KDM4C: variants seen among roughly 807,000 people sequenced by gnomAD.
The protein encoded by KDM4C is lysine-specific demethylase 4C.
Under a neutral mutation model 129.3 loss-of-function variants are expected in KDM4C, and 81 were observed. The ratio of observed to expected loss-of-function variants is 0.63; its 90% CI spans 0.52 to 0.75. KDM4C has a LOEUF of 0.75. Ranked by LOEUF, KDM4C falls within the 30% of genes least tolerant of loss-of-function variation. KDM4C has a pLI of 0.00. For missense variants in KDM4C, 1,457 were observed against 1,304.0 expected, an observed-to-expected ratio of 1.12 and a Z score of -1.81; for synonymous variants, 573 against 456.1, an observed-to-expected ratio of 1.26 and a Z score of -3.26.
intron 19 of KDM4C, among the ~76,000 whole-genome samples, chr9:7,153,573 G>A (rs555920623): frequency 6.6e-5 from 10 of 152,254 alleles, no homozygotes; most frequent in African/African-American, 2.4e-4. Flanking sequence ...TTTTGCAGCT[G>A]GGCCTTTGCA....
chr9:7,121,761 T>C (rs1451703901), intron 18 of KDM4C, among the ~76,000 whole-genome samples: 2 of 151,762 alleles, frequency 1.3e-5, no homozygotes, highest in East Asian at 3.9e-4. Context: ...GGGAAGTGCC[T>C]CAACAAGTAT....
intron 3 of KDM4C, among the ~76,000 whole-genome samples, chr9:6,813,780 C>T (rs540541585): frequency 1.3e-5 from 2 of 152,196 alleles, no homozygotes; most frequent in East Asian, 3.9e-4. Flanking sequence ...TTTCTAATGA[C>T]TTAATATACA....
intron 8 of KDM4C, among the ~76,000 whole-genome samples, chr9:6,921,829 C>T (rs1156287822): frequency 5.3e-5 from 8 of 152,148 alleles, no homozygotes; most frequent in Non-Finnish European, 5.9e-5. Flanking sequence ...CTCCATGACC[C>T]TTGCCCACTC....
At chr9:7,029,809 AG>A (rs2132345512) in intron 15 of KDM4C, among the ~76,000 whole-genome samples, 1 of 152,338 alleles carries the variant, frequency 6.6e-6, no homozygotes, top group South Asian at 2.1e-4. Flanking sequence ...AGAAAGTCAC[AG>A]AATGTAACAT....
At position 6,986,542 on chromosome 9, in the gene KDM4C, C is replaced by CA; in HGVS notation, c.1554dup (p.Glu519ArgfsTer3). ...TCACCTGAGTCATGCTCATCAGTGG[C>CA]AGAGAGTAATGGTGTGTTAACAGAG... On this transcript the variant is annotated frameshift_variant, in exon 11 of 22. Coordinates refer to ENST00000381309, the MANE Select transcript of KDM4C (RefSeq NM_015061.6). LOFTEE classifies it high-confidence loss of function. 1 of 1,614,026 alleles carries CA rather than the reference C, an allele frequency of 6.2e-7. No homozygotes were observed.
chr9:6,796,925 G>A (rs1827856498), intron 2 of KDM4C, among the ~76,000 whole-genome samples: 1 of 151,880 alleles, frequency 6.6e-6, no homozygotes, highest in Non-Finnish European at 1.5e-5. Context: ...CATTAATGAA[G>A]CTGGTTTGCT....
At chr9:7,021,424 C>T (rs147621313) in intron 15 of KDM4C, among the ~76,000 whole-genome samples, 1,709 of 152,158 alleles carry the variant, frequency 0.011, 36 homozygotes, top group African/African-American at 0.039. Flanking sequence ...GGATTACAGG[C>T]GTGAGCCACT....
At chr9:6,882,182 T>C (rs753661246) in intron 6 of KDM4C, among the ~76,000 whole-genome samples, 7 of 152,258 alleles carry the variant, frequency 4.6e-5, no homozygotes, top group Non-Finnish European at 1.0e-4. Flanking sequence ...GACATAAATG[T>C]AATAAAAATC....
At chr9:7,100,433 G>A (rs1253145948) in intron 17 of KDM4C, among the ~76,000 whole-genome samples, 1 of 152,074 alleles carries the variant, frequency 6.6e-6, no homozygotes, top group Admixed American at 6.6e-5. Context: ...TCTGCCTCCT[G>A]GGTTCAAGCG....
chr9:6,979,195 C>T (rs1161726232), intron 8 of KDM4C, among the ~76,000 whole-genome samples: 12 of 152,198 alleles, frequency 7.9e-5, no homozygotes, highest in Admixed American at 7.9e-4. Context: ...TCCAAAATAT[C>T]TTTCAATTTC....
chr9:6,974,824 A>G (rs557085835), intron 8 of KDM4C: 1 of 152,228 alleles, frequency 6.6e-6, no homozygotes, highest in Non-Finnish European at 1.5e-5. Context: ...AAACAACTTT[A>G]TCTACCCCCG....
At chr9:7,109,295 C>T (rs761530048) in intron 18 of KDM4C, among the ~76,000 whole-genome samples, 2 of 152,102 alleles carry the variant, frequency 1.3e-5, no homozygotes, top group Admixed American at 1.3e-4. Context: ...CATGAAGATG[C>T]CCTAGTTCTT....
intron 4 of KDM4C, among the ~76,000 whole-genome samples, chr9:6,842,745 T>G (rs1451893210): frequency 6.6e-6 from 1 of 152,104 alleles, no homozygotes; most frequent in Non-Finnish European, 1.5e-5. Context: ...AATGGCTGTC[T>G]CCTTTAGACA....
At chr9:7,014,613 C>G (rs545951676) in intron 14 of KDM4C, among the ~76,000 whole-genome samples, 1 of 152,052 alleles carries the variant, frequency 6.6e-6, no homozygotes, top group Non-Finnish European at 1.5e-5. Flanking sequence ...TAAAAGGGAT[C>G]TCATATAATA....
chr9:7,124,010 C>T (rs1386023891), intron 18 of KDM4C, among the ~76,000 whole-genome samples: 6 of 152,264 alleles, frequency 3.9e-5, no homozygotes, highest in African/African-American at 9.6e-5. Context: ...TAGATGAAGC[C>T]GGTTAGGATT....
chr9:6,752,201 CGCGCGCCTGTAGTCCCA>C (rs1397334688), intron 1 of KDM4C, among the ~76,000 whole-genome samples: 2 of 150,024 alleles, frequency 1.3e-5, no homozygotes, highest in East Asian at 4.0e-4. Flanking sequence ...GGCATGGTGG[CGCGCGCCTGTAGTCCCA>C]GCTACACGGG....
At chr9:7,105,453 ACTT>A (rs1261468529) in intron 18 of KDM4C, 1 of 470,978 alleles carries the variant, frequency 2.1e-6, no homozygotes, top group Non-Finnish European at 4.4e-6. Context: ...TGCTACTACT[ACTT>A]CTGCTGCTGC....
intron 17 of KDM4C, among the ~76,000 whole-genome samples, chr9:7,082,662 C>G (rs986947492): frequency 6.6e-6 from 1 of 152,194 alleles, no homozygotes; most frequent in Non-Finnish European, 1.5e-5. Flanking sequence ...GACACTTCAT[C>G]TCAAGCCTAC....
chr9:7,153,775 A>G (rs1842920287), intron 19 of KDM4C, among the ~76,000 whole-genome samples: 1 of 152,202 alleles, frequency 6.6e-6, no homozygotes, highest in Admixed American at 6.5e-5. Context: ...AGCTTCCAGA[A>G]TCTCCAGGAA....
Sources: gnomAD v4.1 joint callset for allele counts (sites outside exome capture counted in the v4.1 genomes callset) on GRCh38, gnomAD v4.1.1 for gene constraint, MANE v1.5 for transcripts, NCBI Gene and HGNC (gene_info 2026-07-23, HGNC 2026-07-21) for gene names.